GRIK2: variants seen among roughly 807,000 people sequenced by gnomAD.
GRIK2 encodes glutamate ionotropic receptor kainate type subunit 2, also known as glutamate receptor ionotropic, kainate 2.
Under a neutral mutation model 100.3 loss-of-function variants are expected in GRIK2, and 32 were observed. The ratio of observed to expected loss-of-function variants is 0.32; its 90% CI spans 0.24 to 0.43. The LOEUF is 0.43. GRIK2 is among the 20% of genes least tolerant of loss of function. The probability of loss-of-function intolerance (pLI) is 1.00; values close to 1 mark genes in which losing one functional copy is unlikely to be tolerated. For missense variants in GRIK2, 843 were observed against 1,114.9 expected (o/e 0.76, Z 3.47); for synonymous variants, 417 against 389.4 (o/e 1.07, Z -0.83).
At chr6:102,031,557 T>C (rs1272686559) in intron 14 of GRIK2, among the ~76,000 whole-genome samples, 2 of 151,230 alleles carry the variant, frequency 1.3e-5, no homozygotes, top group Non-Finnish European at 3.0e-5. Context: ...GAGGTACAGT[T>C]GATCATGTCA....
At chr6:101,612,788 T>C (rs1779739919) in intron 2 of GRIK2, among the ~76,000 whole-genome samples, 1 of 151,188 alleles carries the variant, frequency 6.6e-6, no homozygotes, top group Non-Finnish European at 1.5e-5. Flanking sequence ...GCTGGGCTCC[T>C]GGGCAGATGA....
Position 102,054,314 on chromosome 6 carries a change from C to G in GRIK2, c.2312-1016C>G, listed in dbSNP as rs148039301. 3.4e-3 allele frequency among the ~76,000 whole-genome samples: 524 copies of G among 152,178 alleles called. 2 individuals are homozygous for G. Among genetic ancestry groups the G allele is most frequent in the African/African-American group, 0.012 (504 of 41,532 alleles). ...ATTTAAATCAAAACAAAATTACAGG[C>G]AATGTTGAATACAAGCTGAAATGTT... On this transcript the variant is annotated intron_variant, in intron 15 of 16. Transcript: ENST00000369134.
At chr6:101,745,196 T>C (rs981474655) in intron 7 of GRIK2, 2 of 152,198 alleles carry the variant, frequency 1.3e-5, no homozygotes, top group African/African-American at 4.8e-5. Flanking sequence ...TGAAGGTATA[T>C]CAACTTGTTA....
chr6:101,592,674 G>A (rs1057398886), intron 2 of GRIK2, among the ~76,000 whole-genome samples: 8 of 143,670 alleles, frequency 5.6e-5, no homozygotes, highest in African/African-American at 2.1e-4. Flanking sequence ...TTAGCAGGAA[G>A]GACTGGGCTT....
intron 7 of GRIK2, among the ~76,000 whole-genome samples, chr6:101,785,925 TACA>T (rs371649501): frequency 1.3e-5 from 2 of 152,068 alleles, no homozygotes; most frequent in African/African-American, 2.4e-5. Flanking sequence ...TGGCCATTTT[TACA>T]ACATTAATCC....
chr6:101,854,958 A>C (rs376061694), intron 10 of GRIK2, among the ~76,000 whole-genome samples: 1 of 152,212 alleles, frequency 6.6e-6, no homozygotes, highest in Admixed American at 6.5e-5. Context: ...TTCTCTTTAG[A>C]TAGAACCAAA....
intron 4 of GRIK2, among the ~76,000 whole-genome samples, chr6:101,633,006 G>T (rs914995307): frequency 1.3e-5 from 2 of 152,102 alleles, no homozygotes; most frequent in Non-Finnish European, 2.9e-5. Context: ...AGATGACTGA[G>T]GGAGCCAGTT....
intron 2 of GRIK2, among the ~76,000 whole-genome samples, chr6:101,542,232 G>A (rs79774318): frequency 0.013 from 2,003 of 151,532 alleles, 49 homozygotes; most frequent in African/African-American, 0.046. Flanking sequence ...GATTTTTCTT[G>A]TAAATTCAAA....
intron 14 of GRIK2, among the ~76,000 whole-genome samples, chr6:101,944,816 C>T (rs1276356300): frequency 6.6e-6 from 1 of 151,860 alleles, no homozygotes; most frequent in Non-Finnish European, 1.5e-5. Flanking sequence ...TTGCTGTCAG[C>T]AGTATTATAG....
intron 7 of GRIK2, among the ~76,000 whole-genome samples, chr6:101,721,290 T>C (rs1427749050): frequency 6.6e-6 from 1 of 151,966 alleles, no homozygotes; most frequent in Admixed American, 6.6e-5. Context: ...GTAGGGTGAC[T>C]CAGCCTGCAA....
intron 10 of GRIK2, among the ~76,000 whole-genome samples, chr6:101,837,562 G>GA (rs1437707236): frequency 6.6e-6 from 1 of 152,082 alleles, no homozygotes; most frequent in South Asian, 2.1e-4. Context: ...TGGAAAAAAA[G>GA]AAAAAGGGAA....
At chr6:101,560,713 T>TA (rs1418413401) in intron 2 of GRIK2, among the ~76,000 whole-genome samples, 1 of 43,434 alleles carries the variant, frequency 2.3e-5, no homozygotes, top group Non-Finnish European at 4.8e-5. Flanking sequence ...TTTGTATCAG[T>TA]AAATTTTTTT....
At chr6:101,494,993 A>G (rs919596474) in intron 2 of GRIK2, among the ~76,000 whole-genome samples, 1 of 145,598 alleles carries the variant, frequency 6.9e-6, no homozygotes, top group African/African-American at 2.5e-5. Context: ...ATATATATAT[A>G]TATATATGAA....
chr6:101,994,720 A>G lies in GRIK2; in HGVS notation c.2086-40621A>G, dbSNP rs374108500. On this transcript the variant is annotated intron_variant, in intron 14 of 16. Transcript: ENST00000369134. ...TGCTTTGTCTTTTTCCATTAGAGCT[A>G]GGATGAACATATGCCCCATTTTTTC... 3.3e-5 allele frequency among the ~76,000 whole-genome samples: 5 copies of G among 151,896 alleles called. No individual in the cohort carries two copies. The East Asian group carries it at 9.7e-4, about 30-fold the overall frequency.
chr6:101,743,607 G>A (rs1276034855), intron 7 of GRIK2, among the ~76,000 whole-genome samples: 1 of 151,972 alleles, frequency 6.6e-6, no homozygotes, highest in Non-Finnish European at 1.5e-5. Context: ...CACAGAGAAA[G>A]TAATCAAAAT....
intron 2 of GRIK2, among the ~76,000 whole-genome samples, chr6:101,518,438 A>G (rs1249823288): frequency 2.6e-5 from 4 of 152,134 alleles, no homozygotes; most frequent in Admixed American, 2.0e-4. Flanking sequence ...TCTGCAGTGT[A>G]TACTGTGCTA....
intron 3 of GRIK2, among the ~76,000 whole-genome samples, chr6:101,622,937 T>C (rs1438803588): frequency 1.3e-5 from 2 of 152,020 alleles, no homozygotes; most frequent in Non-Finnish European, 2.9e-5. Context: ...TTCTTATATA[T>C]GTAGATAATC....
At chr6:101,439,515 G>T (rs1182473985) in intron 2 of GRIK2, among the ~76,000 whole-genome samples, 1 of 151,978 alleles carries the variant, frequency 6.6e-6, no homozygotes, top group Non-Finnish European at 1.5e-5. Context: ...CAGCTAACTA[G>T]GTTACCCAAA....
At chr6:101,889,605 C>CTTTTTTTTTCTTTT in intron 11 of GRIK2, 35 bp from the exon 12 acceptor site, 1 of 711,240 alleles carries the variant, frequency 1.4e-6, no homozygotes. Context: ...TTCTTTCTTT[C>CTTTTTTTTTCTTTT]TTTTTTTTTT....
Sources: gnomAD v4.1 joint callset for allele counts (sites outside exome capture counted in the v4.1 genomes callset) on GRCh38, gnomAD v4.1.1 for gene constraint, MANE v1.5 for transcripts, NCBI Gene and HGNC (gene_info 2026-07-23, HGNC 2026-07-21) for gene names.